Variants in DOCK4 observed in about 807,000 individuals in gnomAD.
The protein encoded by DOCK4 is dedicator of cytokinesis 4.
DOCK4 carries 97 observed loss-of-function variants against 268.1 expected under a neutral mutation model. The observed-to-expected ratio is 0.36, with a 90% CI of 0.31 to 0.43. DOCK4 has a LOEUF of 0.43. Ranked by LOEUF, DOCK4 falls within the 20% of genes least tolerant of loss-of-function variation. The probability of loss-of-function intolerance (pLI) is 1.00; values close to 1 mark genes in which losing one functional copy is unlikely to be tolerated. For synonymous variants in DOCK4, 954 were observed against 887.2 expected, an observed-to-expected ratio of 1.08 and a Z score of -1.34; for missense variants, 2,145 against 2,455.7, an observed-to-expected ratio of 0.87 and a Z score of 2.67.
At position 111,727,997 on chromosome 7, in the gene DOCK4, G is replaced by C; in HGVS notation, c.*277C>G. 1 of 348,926 alleles carries C rather than the reference G, an allele frequency of 2.9e-6. No homozygotes were observed. Among genetic ancestry groups the C allele is most frequent in the Non-Finnish European group, 5.1e-6 (1 of 196,080 alleles). The allele number at this position is 348,926 out of a possible 1,614,324, so 21.6% of individuals were successfully genotyped here. A position where few individuals can be genotyped will look rare whatever the true frequency, so the allele number is the denominator to read the frequency against. On this transcript the variant is annotated 3_prime_UTR_variant, in exon 53 of 53. Coordinates refer to ENST00000428084, the MANE Select transcript of DOCK4 (RefSeq NM_001363540.2). ...TTAAGATTAAACTATATAAAAAAAA[G>C]TGAACATAAAAAGGTACAAAAGGAG...
In DOCK4 at chr7:111,753,986, T is replaced by C. The variant is rs76149404; in HGVS notation, c.4416+1529A>G. Among the ~76,000 whole-genome samples, 962 of 152,358 alleles carry C rather than the reference T, an allele frequency of 6.3e-3. 26 individuals are homozygous for C. The highest frequency in any genetic ancestry group is 0.052 in the East Asian group (268 of 5,182). ...CTATTTTTTATTAGCATTGTATGTG[T>C]ATATGACATTTCCAAGGGCTAGGAC... On this transcript the variant is annotated intron_variant, in intron 42 of 52. Coordinates refer to ENST00000428084, the MANE Select transcript of DOCK4 (RefSeq NM_001363540.2).
intron 1 of DOCK4, among the ~76,000 whole-genome samples, chr7:112,201,157 C>T (rs75511102): frequency 9.2e-5 from 14 of 152,222 alleles, no homozygotes; most frequent in African/African-American, 2.9e-4. Flanking sequence ...CACACACATA[C>T]GCTATGATTA....
chr7:112,165,480 G>A (rs1448301378), intron 1 of DOCK4, among the ~76,000 whole-genome samples: 1 of 151,124 alleles, frequency 6.6e-6, no homozygotes, highest in East Asian at 1.9e-4. Context: ...TCATGTTACT[G>A]CAAATGATAT....
At position 111,739,165 on chromosome 7, in the gene DOCK4, G is replaced by T; in HGVS notation, c.5201C>A (p.Ala1734Asp). ...AGGCTCCACAGGTGTTGGATAGATG[G>T]CACTGCATGGTCTCTCTCTTGGTGA... ...CLSPRERPCS[A>D]IYPTPVEPSQ... Residue 1734 changes from alanine (A) to aspartate (D), a missense_variant, in exon 49 of 53, where the codon GCC becomes GAC. Around this residue, in one of 2 missense-constraint regions of DOCK4, gnomAD observed 547 missense variants for 469.0 expected, o/e 1.17. Coordinates refer to ENST00000428084, the MANE Select transcript of DOCK4 (RefSeq NM_001363540.2). 6.2e-7 allele frequency: 1 copy of T among 1,613,968 alleles called. No homozygotes were observed. The highest frequency in any genetic ancestry group is 8.5e-7 in the Non-Finnish European group (1 of 1,179,856).
chr7:111,757,008 G>T (rs1797065772), intron 41 of DOCK4, among the ~76,000 whole-genome samples: 1 of 152,110 alleles, frequency 6.6e-6, no homozygotes, highest in African/African-American at 2.4e-5. Context: ...GCTGCATTCT[G>T]AGGAGTGAGT....
At chr7:111,816,633 A>G (rs1329205356) in intron 27 of DOCK4, among the ~76,000 whole-genome samples, 4 of 152,194 alleles carry the variant, frequency 2.6e-5, no homozygotes, top group Admixed American at 2.0e-4. Context: ...GCTGGAACTT[A>G]GAGAACAATG....
intron 1 of DOCK4, among the ~76,000 whole-genome samples, chr7:112,188,377 A>G (rs1412942171): frequency 6.6e-6 from 1 of 152,212 alleles, no homozygotes; most frequent in Non-Finnish European, 1.5e-5. Flanking sequence ...CTATCCTTTC[A>G]CAGCTGAGGC....
At chr7:111,810,051 G>C (rs1255276701) in intron 28 of DOCK4, among the ~76,000 whole-genome samples, 1 of 148,678 alleles carries the variant, frequency 6.7e-6, no homozygotes, top group Non-Finnish European at 1.5e-5. Flanking sequence ...TAAAATTAAA[G>C]ACATAACAAA....
intron 25 of DOCK4, among the ~76,000 whole-genome samples, chr7:111,837,521 A>T (rs1803324329): frequency 6.6e-6 from 1 of 152,220 alleles, no homozygotes. Flanking sequence ...GAAATTGATA[A>T]AGAGCTACTG....
At chr7:112,037,757 A>G (rs1803947335) in intron 1 of DOCK4, among the ~76,000 whole-genome samples, 1 of 152,202 alleles carries the variant, frequency 6.6e-6, no homozygotes, top group East Asian at 1.9e-4. Flanking sequence ...ATTTCTTTTG[A>G]ATAAATACCA....
intron 30 of DOCK4, among the ~76,000 whole-genome samples, chr7:111,799,303 T>C (rs1442665211): frequency 6.6e-6 from 1 of 152,242 alleles, no homozygotes; most frequent in Non-Finnish European, 1.5e-5. Flanking sequence ...TGCTCAGATA[T>C]TGTTTTCAGG....
In DOCK4 at chr7:111,826,852, C is replaced by T. The variant is rs144418735; in HGVS notation, c.2836-4396G>A. Among the ~76,000 whole-genome samples, 171 of 152,198 alleles carry T rather than the reference C, an allele frequency of 1.1e-3. 4 individuals are homozygous for T. The South Asian group carries it at 0.018, about 16-fold the overall frequency. ...ATCACGCAATATATTCATTAACAAACCTGCACATGTACCACCTGAATCTAA... is the reference window on the plus strand; with the variant it reads ...ATCACGCAATATATTCATTAACAAATCTGCACATGTACCACCTGAATCTAA... On this transcript the variant is annotated intron_variant, in intron 26 of 52. Transcript: ENST00000428084.
intron 1 of DOCK4, among the ~76,000 whole-genome samples, chr7:112,156,648 T>C (rs930117248): frequency 2.0e-5 from 3 of 152,202 alleles, no homozygotes; most frequent in African/African-American, 7.2e-5. Flanking sequence ...CTACCCAGCA[T>C]TGTTCTAGTG....
At chr7:111,890,688 C>T (rs1020501101) in intron 16 of DOCK4, among the ~76,000 whole-genome samples, 4 of 152,246 alleles carry the variant, frequency 2.6e-5, no homozygotes, top group African/African-American at 9.6e-5. Flanking sequence ...TCGGTAAGAA[C>T]GGTTTCTTTA....
intron 25 of DOCK4, among the ~76,000 whole-genome samples, chr7:111,838,651 G>A (rs1803430025): frequency 1.3e-5 from 2 of 151,982 alleles, no homozygotes; most frequent in Admixed American, 6.6e-5. Context: ...GTAAACTTAT[G>A]TACAGTAATA....
At chr7:112,023,801 T>A (rs1417693620) in intron 1 of DOCK4, 1 of 256,568 alleles carries the variant, frequency 3.9e-6, no homozygotes, top group Admixed American at 4.7e-5. Context: ...TAATTGTATG[T>A]CTTTAAGAAA....
At chr7:111,950,561 T>A (rs554251383) in intron 8 of DOCK4, among the ~76,000 whole-genome samples, 2 of 152,334 alleles carry the variant, frequency 1.3e-5, no homozygotes, top group South Asian at 4.1e-4. Context: ...TGATTTGGTA[T>A]TCTTAGATGT....
At position 111,848,764 on chromosome 7, in the gene DOCK4, A is replaced by C. The variant is rs1804309796; in HGVS notation, c.2474-1638T>G. Among the ~76,000 whole-genome samples, 4 of 152,158 alleles carry C rather than the reference A, an allele frequency of 2.6e-5. No individual in the cohort carries two copies. The South Asian group carries it at 6.2e-4, about 24-fold the overall frequency. On this transcript the variant is annotated intron_variant, in intron 23 of 52. Transcript: ENST00000428084. ...TTAAGGCCTATTAATGCAAACTTCCAAAAGCTGAACCAAAAGGAAAAACCC... is the reference window on the plus strand; with the variant it reads ...TTAAGGCCTATTAATGCAAACTTCCCAAAGCTGAACCAAAAGGAAAAACCC...
chr7:111,940,431 C>G (rs1254258726), intron 10 of DOCK4, among the ~76,000 whole-genome samples, 189 bp from the exon 11 acceptor site: 2 of 152,144 alleles, frequency 1.3e-5, no homozygotes, highest in Non-Finnish European at 2.9e-5. Context: ...GCTGTGTGAC[C>G]TTGGGTAAGC....
Sources: gnomAD v4.1 joint callset for allele counts (sites outside exome capture counted in the v4.1 genomes callset) on GRCh38, gnomAD v4.1.1 for gene constraint, gnomAD v4.1.1 regional missense constraint, MANE v1.5 for transcripts, NCBI Gene and HGNC (gene_info 2026-07-23, HGNC 2026-07-21) for gene names.